NPSR1: variants seen among roughly 807,000 people sequenced by gnomAD.
NPSR1 encodes neuropeptide S receptor.
NPSR1 carries 48 observed loss-of-function variants against 46.9 expected under a neutral mutation model. The observed-to-expected ratio is 1.02, with a 90% confidence interval of 0.81 to 1.30. NPSR1 has a LOEUF of 1.30. Among genes scored for constraint, NPSR1 ranks in the 50% most tolerant of loss-of-function variants. The pLI, the probability that NPSR1 is intolerant of heterozygous loss-of-function variation, is 0.00. For missense variants in NPSR1, 450 were observed against 449.5 expected (o/e 1.00, Z -0.01); for synonymous variants, 176 against 168.1 (o/e 1.05, Z -0.36).
At chr7:34,788,283 A>G (rs1394810813) in intron 3 of NPSR1, among the ~76,000 whole-genome samples, 1 of 152,064 alleles carries the variant, frequency 6.6e-6, no homozygotes, top group Non-Finnish European at 1.5e-5. Context: ...GATAAAAAGT[A>G]AGGAATCAAA....
At chr7:34,662,307 CTTTG>C (rs1213888366) in intron 1 of NPSR1, among the ~76,000 whole-genome samples, 1 of 152,114 alleles carries the variant, frequency 6.6e-6, no homozygotes, top group African/African-American at 2.4e-5. Context: ...AGTTTGTTCC[CTTTG>C]TTTGTACACC....
At chr7:34,693,573 AG>A (rs1245069367) in intron 2 of NPSR1, among the ~76,000 whole-genome samples, 1 of 152,228 alleles carries the variant, frequency 6.6e-6, no homozygotes, top group Non-Finnish European at 1.5e-5. Context: ...TACAAAGAAA[AG>A]CTGGTACCAA....
At chr7:34,777,741 G>A (rs777467678) in intron 2 of NPSR1, among the ~76,000 whole-genome samples, 1 of 152,062 alleles carries the variant, frequency 6.6e-6, no homozygotes, top group Non-Finnish European at 1.5e-5. Flanking sequence ...GTCATGGAGG[G>A]GTGAGGGGCA....
chr7:34,861,446 C>G (rs889175609), intron 8 of NPSR1, among the ~76,000 whole-genome samples: 3 of 151,680 alleles, frequency 2.0e-5, no homozygotes, highest in African/African-American at 7.3e-5. Flanking sequence ...AGCTGCCAGC[C>G]CAGCAATCTG....
At chr7:34,716,082 G>A (rs1783546914) in intron 2 of NPSR1, among the ~76,000 whole-genome samples, 1 of 152,272 alleles carries the variant, frequency 6.6e-6, no homozygotes, top group African/African-American at 2.4e-5. Flanking sequence ...AACAAATTAT[G>A]CTTGAGATGA....
At chr7:34,832,603 C>T (rs1393660338) in intron 5 of NPSR1, among the ~76,000 whole-genome samples, 6 of 152,098 alleles carry the variant, frequency 3.9e-5, no homozygotes, top group Non-Finnish European at 7.4e-5. Flanking sequence ...GGCAATAATA[C>T]CCTAGTTATT....
At chr7:34,847,205 G>C (rs760771451) in intron 7 of NPSR1, among the ~76,000 whole-genome samples, 1 of 152,148 alleles carries the variant, frequency 6.6e-6, no homozygotes, top group Non-Finnish European at 1.5e-5. Flanking sequence ...ACATTACACA[G>C]TTATGACGGA....
intron 2 of NPSR1, among the ~76,000 whole-genome samples, chr7:34,710,245 A>C (rs557894643): frequency 6.6e-5 from 10 of 152,350 alleles, no homozygotes; most frequent in African/African-American, 2.2e-4. Context: ...AGGTTTGTAG[A>C]GGATGAGTTT....
chr7:34,750,704 C>T, intron 2 of NPSR1: 1 of 700,084 alleles, frequency 1.4e-6, no homozygotes, highest in Non-Finnish European at 2.7e-6. Flanking sequence ...CAGTTTATCT[C>T]CAAAACAGTC....
At chr7:34,766,404 ATGT>A (rs1222324143) in intron 2 of NPSR1, among the ~76,000 whole-genome samples, 6 of 152,224 alleles carry the variant, frequency 3.9e-5, no homozygotes, top group Non-Finnish European at 7.3e-5. Flanking sequence ...CTGTACATGA[ATGT>A]TTATATCAGC....
chr7:34,766,674 G>A (rs545217006), intron 2 of NPSR1, among the ~76,000 whole-genome samples: 2 of 151,946 alleles, frequency 1.3e-5, no homozygotes, highest in South Asian at 2.1e-4. Context: ...CTGGGTTCAC[G>A]CCATTCTCCT....
chr7:34,874,720 A>C (rs1791536800), intron 8 of NPSR1, among the ~76,000 whole-genome samples: 1 of 152,102 alleles, frequency 6.6e-6, no homozygotes, highest in South Asian at 2.1e-4. Context: ...GGGAGAGAAT[A>C]ATTTAAAGTG....
intron 3 of NPSR1, among the ~76,000 whole-genome samples, chr7:34,806,708 T>A (rs1788717492): frequency 1.3e-5 from 2 of 152,244 alleles, no homozygotes; most frequent in Non-Finnish European, 2.9e-5. Flanking sequence ...ACAAATGAAC[T>A]ACAAGATGTT....
At chr7:34,761,488 T>C (rs1410002824) in intron 2 of NPSR1, among the ~76,000 whole-genome samples, 2 of 152,168 alleles carry the variant, frequency 1.3e-5, no homozygotes, top group Non-Finnish European at 2.9e-5. Flanking sequence ...GCAGCATATC[T>C]CTATGTCTGC....
At position 34,778,292 on chromosome 7, in the gene NPSR1, G is replaced by A. The variant is rs951641043; in HGVS notation, c.281-170G>A. Among the ~76,000 whole-genome samples, 11 of 152,012 alleles carry A rather than the reference G, an allele frequency of 7.2e-5. 1 individual carries two copies. The highest frequency in any genetic ancestry group is 5.2e-4 in the Admixed American group (8 of 15,258). On this transcript the variant is annotated intron_variant, in intron 2 of 8. Coordinates refer to ENST00000360581, the MANE Select transcript of NPSR1 (RefSeq NM_207172.2). ...AGAAGCTTCAGTAATATAAGTCAAA[G>A]AACTCCTACCTTGCTTTGCATTTCC... is the stretch of plus-strand genomic sequence containing the variant.
intron 8 of NPSR1, among the ~76,000 whole-genome samples, chr7:34,877,752 G>A (rs377379912): frequency 2.0e-5 from 3 of 152,180 alleles, no homozygotes; most frequent in East Asian, 1.9e-4. Context: ...AGCCTCCAGG[G>A]AGGCTTTGAG....
In NPSR1 at chr7:34,684,357, A is replaced by T. The variant is rs2021374; in HGVS notation, c.148-195A>T. ...GTCTCTTGACGTATATTTCCAAAAG[A>T]TTTTTAAAAGGTGCATTAATTTACT... On this transcript the variant is annotated intron_variant, in intron 1 of 8. Coordinates refer to ENST00000360581, the MANE Select transcript of NPSR1 (RefSeq NM_207172.2). Among the ~76,000 whole-genome samples, 20,241 of 152,240 alleles carry T rather than the reference A, an allele frequency of 0.13. 1,445 individuals are homozygous for T. The highest frequency in any genetic ancestry group is 0.18 in the African/African-American group (7,604 of 41,538).
At chr7:34,733,089 G>A (rs780296025) in intron 2 of NPSR1, among the ~76,000 whole-genome samples, 8 of 152,062 alleles carry the variant, frequency 5.3e-5, no homozygotes, top group Non-Finnish European at 7.4e-5. Flanking sequence ...ATGATGAAAC[G>A]GTGGTTAACA....
chr7:34,676,541 G>A (rs1244275057), intron 1 of NPSR1, among the ~76,000 whole-genome samples: 1 of 152,096 alleles, frequency 6.6e-6, no homozygotes, highest in African/African-American at 2.4e-5. Context: ...GGTGGGGAGG[G>A]GGACATGCAC....
Sources: gnomAD v4.1 joint callset for allele counts (sites outside exome capture counted in the v4.1 genomes callset) on GRCh38, gnomAD v4.1.1 for gene constraint, MANE v1.5 for transcripts, NCBI Gene and HGNC (gene_info 2026-07-23, HGNC 2026-07-21) for gene names.